Variants in CADPS observed in about 807,000 individuals in gnomAD.
CADPS encodes calcium-dependent secretion activator 1.
CADPS carries 57 observed loss-of-function variants against 167.3 expected under a neutral mutation model. The observed-to-expected ratio is 0.34, with a 90% confidence interval of 0.28 to 0.42. The LOEUF is 0.42. Among genes scored for constraint, CADPS ranks in the 20% least tolerant of loss-of-function variants. The pLI, the probability that CADPS is intolerant of heterozygous loss-of-function variation, is 1.00. For synonymous variants in CADPS, 676 were observed against 635.3 expected, an observed-to-expected ratio of 1.06 and a Z score of -0.96; for missense variants, 1,414 against 1,738.1, an observed-to-expected ratio of 0.81 and a Z score of 3.32.
At chr3:62,472,489 T>C (rs1046855678) in intron 24 of CADPS, among the ~76,000 whole-genome samples, 20 of 152,150 alleles carry the variant, frequency 1.3e-4, no homozygotes, top group African/African-American at 4.6e-4. Flanking sequence ...GTGGGCTTGA[T>C]GAAGCCTAAG....
chr3:62,550,844 C>T (rs1218262445), intron 10 of CADPS: 1 of 456,732 alleles, frequency 2.2e-6, no homozygotes, highest in Non-Finnish European at 4.4e-6. Context: ...GGCCCACCCA[C>T]CTATCAGCAG....
At chr3:62,422,411 G>A (rs188885180) in intron 28 of CADPS, among the ~76,000 whole-genome samples, 8 of 152,274 alleles carry the variant, frequency 5.3e-5, no homozygotes, top group Admixed American at 2.6e-4. Flanking sequence ...AACAGCTGAC[G>A]ATCTATCGGG....
intron 3 of CADPS, among the ~76,000 whole-genome samples, chr3:62,704,212 T>C (rs1020458570): frequency 6.6e-6 from 1 of 152,100 alleles, no homozygotes; most frequent in Non-Finnish European, 1.5e-5. Flanking sequence ...GAAAATAAAA[T>C]AGGGTTTGAG....
intron 7 of CADPS, among the ~76,000 whole-genome samples, chr3:62,587,913 A>G (rs2085008426): frequency 6.6e-6 from 1 of 152,174 alleles, no homozygotes; most frequent in Non-Finnish European, 1.5e-5. Context: ...CTGCTGAATT[A>G]TGAGGGTCCT....
chr3:62,636,660 A>T (rs2066372284), intron 6 of CADPS, among the ~76,000 whole-genome samples: 1 of 152,168 alleles, frequency 6.6e-6, no homozygotes, highest in South Asian at 2.1e-4. Flanking sequence ...TAACTGATAA[A>T]CACATAGAAA....
chr3:62,727,888 T>C (rs1413884672), intron 3 of CADPS, among the ~76,000 whole-genome samples: 1 of 151,942 alleles, frequency 6.6e-6, no homozygotes, highest in African/African-American at 2.4e-5. Context: ...ATAGTCTTGT[T>C]CTTTTTCTGT....
At chr3:62,452,358 T>TCTA in intron 26 of CADPS, among the ~76,000 whole-genome samples, 1 of 151,540 alleles carries the variant, frequency 6.6e-6, no homozygotes, top group South Asian at 2.1e-4. Flanking sequence ...AAAATACAAG[T>TCTA]AACATTCAAC....
At chr3:62,734,221 T>A (rs957478579) in intron 3 of CADPS, among the ~76,000 whole-genome samples, 1 of 152,182 alleles carries the variant, frequency 6.6e-6, no homozygotes, top group Non-Finnish European at 1.5e-5. Flanking sequence ...TATAGACCAA[T>A]GCTGCACAAA....
chr3:62,710,685 C>T (rs530621782), intron 3 of CADPS, among the ~76,000 whole-genome samples: 40 of 152,180 alleles, frequency 2.6e-4, no homozygotes, highest in African/African-American at 9.6e-4. Context: ...TCCGAGTCAC[C>T]AATTTAGATT....
intron 22 of CADPS, among the ~76,000 whole-genome samples, chr3:62,479,359 T>TC (rs1451675903): frequency 3.9e-5 from 6 of 152,082 alleles, no homozygotes; most frequent in Non-Finnish European, 7.4e-5. Context: ...AGGGGTGTCC[T>TC]CCCCCCCACC....
chr3:62,530,598 T>C, intron 13 of CADPS: 2 of 1,093,490 alleles, frequency 1.8e-6, no homozygotes, highest in Non-Finnish European at 2.3e-6. Context: ...GGATGGAGGC[T>C]TGGGGAAAGG....
At chr3:62,614,017 C>T (rs1266923292) in intron 6 of CADPS, among the ~76,000 whole-genome samples, 1 of 152,160 alleles carries the variant, frequency 6.6e-6, no homozygotes, top group Non-Finnish European at 1.5e-5. Flanking sequence ...TCCCTGCCTG[C>T]TACAGGGGAG....
chr3:62,555,393 A>G (rs987105232), intron 10 of CADPS, among the ~76,000 whole-genome samples: 1 of 152,214 alleles, frequency 6.6e-6, no homozygotes, highest in African/African-American at 2.4e-5. Flanking sequence ...TTTTGCTTTC[A>G]TCTGATAAAG....
At chr3:62,450,656 GAC>G (rs1477793317) in intron 26 of CADPS, among the ~76,000 whole-genome samples, 1 of 152,216 alleles carries the variant, frequency 6.6e-6, no homozygotes, top group Admixed American at 6.5e-5. Flanking sequence ...TAGAAAAAGA[GAC>G]ACAAATCCAG....
chr3:62,774,350 A>G (rs2089743433), intron 1 of CADPS, among the ~76,000 whole-genome samples: 1 of 152,062 alleles, frequency 6.6e-6, no homozygotes, highest in African/African-American at 2.4e-5. Context: ...GTACTTTTCC[A>G]ACTTGGAGGT....
Position 62,765,938 on chromosome 3 carries a change from A to G in CADPS, c.488T>C (p.Phe163Ser). 6.2e-7 allele frequency: 1 copy of G among 1,613,594 alleles called. No homozygotes were observed. The highest frequency in any genetic ancestry group is 8.5e-7 in the Non-Finnish European group (1 of 1,179,606). The change falls in exon 2 of 30, where the codon TTC (phenylalanine) becomes TCC (serine). Residue 163 changes from phenylalanine to serine, a missense_variant. Physicochemically the swap from Phe to Ser is radical, Grantham distance 155. Coordinates refer to ENST00000383710, the MANE Select transcript of CADPS (RefSeq NM_003716.4). ...LQTVKDRFQAFLNGETQIMAD... is the reference protein window; with the variant it reads ...LQTVKDRFQASLNGETQIMAD... The stretch of plus-strand genomic sequence containing the variant: ...CATGATCTGGGTTTCCCCATTGAGG[A>G]AAGCCTGAAACCGGTCCTTGACTGT...
intron 1 of CADPS, among the ~76,000 whole-genome samples, chr3:62,835,426 C>G (rs182779943): frequency 1.6e-4 from 25 of 152,268 alleles, no homozygotes; most frequent in African/African-American, 4.8e-4. Context: ...TTCTCTTTCA[C>G]GATGTGTCTG....
chr3:62,673,829 A>T (rs2075934108), intron 3 of CADPS, among the ~76,000 whole-genome samples: 1 of 152,206 alleles, frequency 6.6e-6, no homozygotes, highest in African/African-American at 2.4e-5. Context: ...ATGGGAAATG[A>T]AATGCCTTTT....
chr3:62,594,156 T>A (rs190303945), intron 6 of CADPS, among the ~76,000 whole-genome samples: 1,765 of 131,154 alleles, frequency 0.013, 27 homozygotes, highest in African/African-American at 0.031. Flanking sequence ...TTTTTTATTT[T>A]TTTTATTTAT....
Sources: allele counts gnomAD v4.1 joint callset (sites outside exome capture counted in the v4.1 genomes callset), GRCh38; gene constraint gnomAD v4.1.1; transcripts MANE v1.5; gene names NCBI Gene and HGNC (gene_info 2026-07-23, HGNC 2026-07-21).